The following CPQ variants were observed in gnomAD, a reference collection of about 807,000 sequenced individuals.
The protein encoded by CPQ is Ser-Met dipeptidase.
Under a neutral mutation model 45.7 loss-of-function variants are expected in CPQ, and 37 were observed. The ratio of observed to expected loss-of-function variants is 0.81; its 90% CI spans 0.62 to 1.07. CPQ has a LOEUF of 1.07. CPQ is among the 50% of genes least tolerant of loss of function. The pLI, the probability that CPQ is intolerant of heterozygous loss-of-function variation, is 0.00. For missense variants in CPQ, 537 were observed against 572.9 expected, an observed-to-expected ratio of 0.94 and a Z score of 0.64; for synonymous variants, 186 against 205.8, an observed-to-expected ratio of 0.90 and a Z score of 0.82.
intron 4 of CPQ, among the ~76,000 whole-genome samples, chr8:96,886,540 T>C (rs1024032599): frequency 6.6e-6 from 1 of 152,198 alleles, no homozygotes; most frequent in Non-Finnish European, 1.5e-5. Context: ...AAAATAGTCT[T>C]AGAGGCAGAG....
chr8:96,920,639 A>G (rs546252532), intron 4 of CPQ, among the ~76,000 whole-genome samples: 112 of 152,096 alleles, frequency 7.4e-4, no homozygotes, highest in Non-Finnish European at 1.4e-3. Flanking sequence ...GATCGTATTT[A>G]GAGATATTTC....
At chr8:96,844,469 G>A (rs1811657474) in intron 3 of CPQ, among the ~76,000 whole-genome samples, 1 of 152,162 alleles carries the variant, frequency 6.6e-6, no homozygotes, top group African/African-American at 2.4e-5. Flanking sequence ...TCTATTGTTG[G>A]CTCTCCCATT....
At chr8:97,008,677 A>AT (rs1188673994) in intron 5 of CPQ, among the ~76,000 whole-genome samples, 1 of 152,132 alleles carries the variant, frequency 6.6e-6, no homozygotes, top group Non-Finnish European at 1.5e-5. Flanking sequence ...TCTGCCCATT[A>AT]TTATATATGT....
chr8:97,052,764 ATTGAAGGGACC>A (rs1810384552), intron 6 of CPQ, among the ~76,000 whole-genome samples: 1 of 152,154 alleles, frequency 6.6e-6, no homozygotes. Flanking sequence ...TTATTCCATT[ATTGAAGGGACC>A]TTTGAAGTTT....
intron 1 of CPQ, among the ~76,000 whole-genome samples, chr8:96,699,544 A>G (rs1372530277): frequency 6.6e-6 from 1 of 152,132 alleles, no homozygotes; most frequent in Admixed American, 6.6e-5. Flanking sequence ...TACTCCACTT[A>G]CCCTGAAGTG....
chr8:97,102,821 TCAC>T (rs1811336442), intron 7 of CPQ, among the ~76,000 whole-genome samples: 1 of 152,128 alleles, frequency 6.6e-6, no homozygotes, highest in Non-Finnish European at 1.5e-5. Flanking sequence ...CTGTAAGAAA[TCAC>T]CACAAAGTTA....
chr8:96,972,204 A>G (rs1412037717), intron 5 of CPQ, among the ~76,000 whole-genome samples: 1 of 152,184 alleles, frequency 6.6e-6, no homozygotes, highest in Non-Finnish European at 1.5e-5. Flanking sequence ...TGCAGGCTGC[A>G]TGGGAGCAGG....
chr8:97,137,282 G>A (rs1812076393), intron 7 of CPQ, among the ~76,000 whole-genome samples: 2 of 152,160 alleles, frequency 1.3e-5, no homozygotes, highest in African/African-American at 4.8e-5. Flanking sequence ...TGGAGGCTTT[G>A]TCTGTCGACC....
chr8:96,877,469 A>C (rs1207100637), intron 3 of CPQ, among the ~76,000 whole-genome samples: 1 of 152,200 alleles, frequency 6.6e-6, no homozygotes, highest in East Asian at 1.9e-4. Context: ...CCTAAGAACA[A>C]GGAGAGTTTG....
intron 5 of CPQ, among the ~76,000 whole-genome samples, chr8:97,014,777 G>C (rs1809551436): frequency 1.3e-5 from 2 of 151,996 alleles, no homozygotes; most frequent in Admixed American, 1.3e-4. Context: ...CTTTAATTGA[G>C]TATAGATAAC....
chr8:96,899,622 T>G (rs1414416710), intron 4 of CPQ, among the ~76,000 whole-genome samples: 1 of 151,244 alleles, frequency 6.6e-6, no homozygotes, highest in African/African-American at 2.4e-5. Flanking sequence ...GGAGGAGAGG[T>G]GCCACACACT....
At chr8:97,007,200 A>G (rs1285207921) in intron 5 of CPQ, among the ~76,000 whole-genome samples, 1 of 152,160 alleles carries the variant, frequency 6.6e-6, no homozygotes, top group Non-Finnish European at 1.5e-5. Context: ...CTATTAAGGG[A>G]GACATACTCC....
chr8:97,038,860 A>T (rs1232214086), intron 6 of CPQ, among the ~76,000 whole-genome samples: 1 of 148,976 alleles, frequency 6.7e-6, no homozygotes, highest in Non-Finnish European at 1.5e-5. Flanking sequence ...GAATAAAGGC[A>T]GGTCAGATAG....
chr8:96,783,305 C>T (rs1386890257), intron 1 of CPQ, among the ~76,000 whole-genome samples: 2 of 151,616 alleles, frequency 1.3e-5, no homozygotes, highest in Admixed American at 6.6e-5. Flanking sequence ...CAGAATACCA[C>T]AGACGGAGTA....
intron 1 of CPQ, among the ~76,000 whole-genome samples, chr8:96,698,179 C>G (rs1188155176): frequency 1.3e-5 from 2 of 151,934 alleles, no homozygotes; most frequent in African/African-American, 2.4e-5. Context: ...AATAGAGAAC[C>G]TAGAAATAAA....
At chr8:96,891,776 G>A (rs896612071) in intron 4 of CPQ, among the ~76,000 whole-genome samples, 4 of 152,126 alleles carry the variant, frequency 2.6e-5, no homozygotes, top group South Asian at 4.1e-4. Flanking sequence ...GGTAAGATGG[G>A]CAATTAAACA....
At chr8:96,714,971 G>C (rs574304054) in intron 1 of CPQ, among the ~76,000 whole-genome samples, 1 of 152,314 alleles carries the variant, frequency 6.6e-6, no homozygotes. Context: ...TAGTAGCAAT[G>C]TGTTCAGTGT....
intron 1 of CPQ, among the ~76,000 whole-genome samples, chr8:96,669,248 A>T (rs957990823): frequency 6.6e-6 from 1 of 152,206 alleles, no homozygotes; most frequent in Non-Finnish European, 1.5e-5. Context: ...TGCTGGCATG[A>T]TGTCAGAGGA....
chr8:96,869,081 G>T (rs1462064770), intron 3 of CPQ, among the ~76,000 whole-genome samples: 1 of 151,774 alleles, frequency 6.6e-6, no homozygotes, highest in Non-Finnish European at 1.5e-5. Context: ...TTTTAAAATG[G>T]TCTTTATGGC....
Sources: gnomAD v4.1 joint callset for allele counts (sites outside exome capture counted in the v4.1 genomes callset) on GRCh38, gnomAD v4.1.1 for gene constraint, MANE v1.5 for transcripts, NCBI Gene and HGNC (gene_info 2026-07-23, HGNC 2026-07-21) for gene names.